TG: variants seen among roughly 807,000 people sequenced by gnomAD.
TG encodes thyroglobulin, also known as thyroid hormones.
TG carries 270 observed loss-of-function variants against 324.7 expected under a neutral mutation model. The ratio of observed to expected loss-of-function variants is 0.83; its 90% CI spans 0.75 to 0.92. The LOEUF is 0.92. Among genes scored for constraint, TG ranks in the 40% least tolerant of loss-of-function variants. TG has a pLI of 0.00. For missense variants in TG, 3,591 were observed against 3,456.4 expected (o/e 1.04, Z -0.98); for synonymous variants, 1,401 against 1,327.0 (o/e 1.06, Z -1.21).
At position 133,060,246 on chromosome 8, in the gene TG, C is replaced by T. The variant is rs1038251296; in HGVS notation, c.7239+30223C>T. On this transcript the variant is annotated intron_variant, in intron 41 of 47. Transcript: ENST00000220616. ...GGGGAAAGTCAACCGTGCCCTGAGCCCTCCAAGTGGAGAATGACCCAGTTT... is the reference window on the plus strand; with the variant it reads ...GGGGAAAGTCAACCGTGCCCTGAGCTCTCCAAGTGGAGAATGACCCAGTTT... The T allele has an allele frequency of 9.9e-6, 16 of 1,611,852 alleles. No homozygotes were observed. The highest frequency in any genetic ancestry group is 1.6e-4 in the Middle Eastern group (1 of 6,082).
chr8:133,102,581 T>A, intron 43 of TG: 1 of 1,551,366 alleles, frequency 6.4e-7, no homozygotes, highest in Non-Finnish European at 8.7e-7. Flanking sequence ...GCCTGAGATG[T>A]TCTCCATTCG....
intron 5 of TG, among the ~76,000 whole-genome samples, chr8:132,875,121 C>T (rs1839841674): frequency 6.6e-6 from 1 of 152,132 alleles, no homozygotes; most frequent in African/African-American, 2.4e-5. Context: ...TTGATGAGGC[C>T]TCATCTATGA....
At chr8:132,948,247 T>TTG (rs60794915) in intron 26 of TG, among the ~76,000 whole-genome samples, 4 of 151,022 alleles carry the variant, frequency 2.6e-5, no homozygotes, top group Non-Finnish European at 4.4e-5. Context: ...AAGGTTGATC[T>TTG]TGTGTGTGTG....
chr8:132,977,084 C>A (rs1830260136), intron 34 of TG, among the ~76,000 whole-genome samples: 1 of 152,190 alleles, frequency 6.6e-6, no homozygotes, highest in Non-Finnish European at 1.5e-5. Context: ...ACATTGGATT[C>A]TATTTTCTCT....
At chr8:133,133,787 C>G (rs1403185799) in intron 47 of TG, 127 bp downstream of exon 47, 8 of 1,074,916 alleles carry the variant, frequency 7.4e-6, no homozygotes. Context: ...TGGCACAGCC[C>G]CTTCCTGTGA....
intron 34 of TG, among the ~76,000 whole-genome samples, chr8:132,975,797 C>G (rs776484787): frequency 6.6e-6 from 1 of 152,164 alleles, no homozygotes; most frequent in Non-Finnish European, 1.5e-5. Flanking sequence ...AATCTGGACA[C>G]AAGTCTTTCT....
chr8:133,124,932 A>G (rs2131818463), intron 45 of TG, among the ~76,000 whole-genome samples: 1 of 152,374 alleles, frequency 6.6e-6, no homozygotes, highest in South Asian at 2.1e-4. Context: ...TAACAAACCA[A>G]AGAAAATACG....
At chr8:132,877,360 A>T (rs1312930341) in intron 5 of TG, among the ~76,000 whole-genome samples, 1 of 152,008 alleles carries the variant, frequency 6.6e-6, no homozygotes, top group Non-Finnish European at 1.5e-5. Context: ...GCTGGTCTGA[A>T]ACTCCTGACC....
chr8:133,040,071 C>T, intron 41 of TG: 3 of 1,557,126 alleles, frequency 1.9e-6, no homozygotes, highest in Non-Finnish European at 2.6e-6. Flanking sequence ...ACTGCTGGGG[C>T]AGCCGTGCTT....
rs769460627 is a variant in TG at position 133,096,389 on chromosome 8, G to T, written c.7572+16G>T. The T allele has an allele frequency of 1.4e-5, 22 of 1,613,922 alleles. No individual in the cohort carries two copies. The Middle Eastern group carries it at 4.9e-4, about 36-fold the overall frequency. On this transcript the variant is annotated intron_variant, in intron 43 of 47. Transcript: ENST00000220616. ...GGCTGTGAAGGTAAGCAGGGAGGGG[G>T]CCTCGGATGTCTCCAGCTGGGCATT...
intron 27 of TG, 110 bp downstream of exon 27, chr8:132,949,053 TG>T (rs1234646645): frequency 2.2e-5 from 19 of 876,164 alleles, no homozygotes; most frequent in Admixed American, 3.0e-5. Context: ...CTTATACTTC[TG>T]AAAAAAAAAA....
intron 20 of TG, among the ~76,000 whole-genome samples, chr8:132,917,001 C>T (rs1820385532): frequency 8.4e-6 from 1 of 118,712 alleles, no homozygotes; most frequent in African/African-American, 2.8e-5. Context: ...TTCCCTCCAA[C>T]CCTCCCTCCC....
chr8:133,016,179 T>C (rs1243420754), intron 37 of TG, among the ~76,000 whole-genome samples: 1 of 152,192 alleles, frequency 6.6e-6, no homozygotes, highest in African/African-American at 2.4e-5. Context: ...TCTGCTTGAC[T>C]CCTTAACCAA....
intron 27 of TG, among the ~76,000 whole-genome samples, chr8:132,953,631 A>G (rs1826423142): frequency 6.6e-6 from 1 of 152,042 alleles, no homozygotes; most frequent in African/African-American, 2.4e-5. Context: ...CCCACGAAAC[A>G]CCTGGAGGCT....
intron 14 of TG, among the ~76,000 whole-genome samples, chr8:132,899,233 T>G (rs911707513): frequency 2.0e-5 from 3 of 152,244 alleles, no homozygotes; most frequent in African/African-American, 7.2e-5. Context: ...ATGTTTTTCC[T>G]AAAGGCATCT....
chr8:132,883,099 C>A, intron 8 of TG, 100 bp downstream of exon 8: 1 of 1,326,866 alleles, frequency 7.5e-7, no homozygotes, highest in Non-Finnish European at 1.0e-6. Flanking sequence ...CAACTGCCTT[C>A]TAGTGTGCCC....
At position 132,983,332 on chromosome 8, in the gene TG, C is replaced by T. The variant is rs528007194; in HGVS notation, c.6200-18C>T. 1 of 1,613,846 alleles carries T rather than the reference C, an allele frequency of 6.2e-7. No homozygotes were observed. Among genetic ancestry groups the T allele is most frequent in the Middle Eastern group, 1.7e-4 (1 of 6,058 alleles). ...ATGGGGGTAGAAAAGAACTGAAAGA[C>T]TGCTTTTTCCTTTTCAGTTGCTCAA... On this transcript the variant is annotated intron_variant, in intron 34 of 47. Coordinates refer to ENST00000220616, the MANE Select transcript of TG (RefSeq NM_003235.5).
intron 41 of TG, 189 bp from the exon 42 acceptor site, chr8:133,094,855 T>C: frequency 1.4e-6 from 1 of 738,544 alleles, no homozygotes; most frequent in Non-Finnish European, 2.3e-6. Context: ...ACATCTTCAG[T>C]ATCACACTGC....
chr8:132,873,005 C>T, intron 4 of TG, 57 bp from the exon 5 acceptor site: 1 of 1,592,730 alleles, frequency 6.3e-7, no homozygotes, highest in Non-Finnish European at 8.6e-7. Flanking sequence ...TGCTGCTCGA[C>T]TGCAGAAATA....
Sources: allele counts gnomAD v4.1 joint callset (sites outside exome capture counted in the v4.1 genomes callset), GRCh38; gene constraint gnomAD v4.1.1; transcripts MANE v1.5; gene names NCBI Gene and HGNC (gene_info 2026-07-23, HGNC 2026-07-21).